The following UGT3A2 variants were observed in gnomAD, a reference collection of about 807,000 sequenced individuals.
UGT3A2 encodes the protein UDP glycosyltransferase family 3 member A2.
UGT3A2 carries 32 observed loss-of-function variants against 39.8 expected under a neutral mutation model. That is an observed-to-expected ratio of 0.80 (90% CI 0.61 to 1.08). The LOEUF (loss-of-function observed/expected upper bound fraction) is 1.08. Among genes scored for constraint, UGT3A2 ranks in the 50% least tolerant of loss-of-function variants. The pLI is 0.00. For synonymous variants in UGT3A2, 241 were observed against 230.7 expected, an observed-to-expected ratio of 1.04 and a Z score of -0.40; for missense variants, 611 against 637.1, an observed-to-expected ratio of 0.96 and a Z score of 0.44.
intron 2 of UGT3A2, among the ~76,000 whole-genome samples, chr5:36,061,281 G>A (rs137931970): frequency 0.044 from 6,670 of 151,842 alleles, 229 homozygotes; most frequent in East Asian, 0.12. Flanking sequence ...GGGTACATGT[G>A]CACATTGTGC....
At chr5:36,054,456 C>T (rs541116213) in intron 2 of UGT3A2, among the ~76,000 whole-genome samples, 249 of 152,214 alleles carry the variant, frequency 1.6e-3, no homozygotes, top group African/African-American at 5.9e-3. Context: ...ATTATCAATT[C>T]AAAGTGAAAA....
chr5:36,044,424 C>T (rs1742104834), intron 4 of UGT3A2, among the ~76,000 whole-genome samples: 1 of 151,974 alleles, frequency 6.6e-6, no homozygotes, highest in Non-Finnish European at 1.5e-5. Flanking sequence ...TCTAACATGA[C>T]AAGGATGCCC....
chr5:36,061,343 A>C, intron 2 of UGT3A2, among the ~76,000 whole-genome samples: 1 of 149,976 alleles, frequency 6.7e-6, no homozygotes, highest in South Asian at 2.2e-4. Flanking sequence ...GCACCCAGTA[A>C]CTCGTCATCT....
At chr5:36,047,900 C>A (rs1291559722) in intron 4 of UGT3A2, among the ~76,000 whole-genome samples, 2 of 152,168 alleles carry the variant, frequency 1.3e-5, no homozygotes, top group African/African-American at 4.8e-5. Context: ...CGTATTGGGA[C>A]CCCTGCTCCC....
chr5:36,042,594 G>A (rs956122605), intron 4 of UGT3A2, among the ~76,000 whole-genome samples: 11 of 151,932 alleles, frequency 7.2e-5, no homozygotes, highest in Admixed American at 3.3e-4. Context: ...AACAGAAAGA[G>A]TGATTGAATG....
chr5:36,064,589 C>T (rs1158268869), intron 1 of UGT3A2, among the ~76,000 whole-genome samples: 1 of 152,164 alleles, frequency 6.6e-6, no homozygotes, highest in African/African-American at 2.4e-5. Context: ...TTGTGAATCA[C>T]GGTATCCATG....
chr5:36,064,419 TC>T (rs1436493499), intron 1 of UGT3A2, 69 bp from the exon 2 acceptor site: 3 of 1,340,836 alleles, frequency 2.2e-6, no homozygotes, highest in Non-Finnish European at 3.2e-6. Context: ...TAGTGATCAA[TC>T]CAGGAGAGGA....
intron 4 of UGT3A2, among the ~76,000 whole-genome samples, chr5:36,041,919 G>A (rs1337217860): frequency 1.3e-5 from 2 of 151,994 alleles, no homozygotes; most frequent in Non-Finnish European, 2.9e-5. Flanking sequence ...TAAGGCACCA[G>A]CAACTAATCC....
intron 4 of UGT3A2, among the ~76,000 whole-genome samples, chr5:36,043,302 A>T (rs1434855547): frequency 6.6e-6 from 1 of 152,098 alleles, no homozygotes. Flanking sequence ...TGAAGTAATT[A>T]AGAAGGAAAT....
At position 36,049,377 on chromosome 5, in the gene UGT3A2, A is replaced by T; in HGVS notation, c.355T>A (p.Leu119Met). 1 of 1,599,100 alleles carries T rather than the reference A, an allele frequency of 6.3e-7. No individual in the cohort carries two copies. Among genetic ancestry groups the T allele is most frequent in the Non-Finnish European group, 8.5e-7 (1 of 1,175,172 alleles). ...NLLNVLEYLA[L>M]QCSHFLNRKD... ...CTATTTAAAAAATGACTGCACTGCA[A>T]CGCCAAGTATTCTAGAACATTTAAT... Residue 119 changes from leucine (L) to methionine (M), a missense_variant, in exon 4 of 7, where the codon TTG (leucine) becomes ATG (methionine). Coordinates refer to ENST00000282507, the MANE Select transcript of UGT3A2 (RefSeq NM_174914.4).
At chr5:36,060,799 C>T (rs1265562398) in intron 2 of UGT3A2, among the ~76,000 whole-genome samples, 2 of 152,264 alleles carry the variant, frequency 1.3e-5, no homozygotes, top group Non-Finnish European at 2.9e-5. Context: ...TGATGAAAAA[C>T]TTCTGAAAAT....
In UGT3A2 at chr5:36,049,009, T is replaced by G. The variant is rs768863690; in HGVS notation, c.723A>C (p.Leu241=). The G allele has an allele frequency of 8.1e-6, 13 of 1,614,064 alleles. No homozygotes were observed. Among genetic ancestry groups the G allele is most frequent in the African/African-American group, 1.3e-5 (1 of 74,922 alleles). The change falls in exon 4 of 7, where the codon CTA becomes CTC. Residue 241 remains leucine, a synonymous_variant. Coordinates refer to ENST00000282507, the MANE Select transcript of UGT3A2 (RefSeq NM_174914.4). ...TAATGAACCACAACTCTGCTTTCAG[T>G]AGAAGATGAGACAAAACTGGCCTAG... The part of the protein sequence containing the change: ...EGSRPVLSHL[L]LKAELWFINS...
At chr5:36,057,755 G>C (rs1742560360) in intron 2 of UGT3A2, among the ~76,000 whole-genome samples, 1 of 151,914 alleles carries the variant, frequency 6.6e-6, no homozygotes. Flanking sequence ...TGCCCAGGCT[G>C]GTTTTAACTC....
At position 36,048,884 on chromosome 5, in the gene UGT3A2, C is replaced by T. The variant is rs746032545; in HGVS notation, c.843+5G>A. On this transcript the variant is annotated splice_donor_5th_base_variant and intron_variant, in intron 4 of 6. Coordinates refer to ENST00000282507, the MANE Select transcript of UGT3A2 (RefSeq NM_174914.4). ...TCCCAAACTGAATGCTGAGGGTTCA[C>T]TTACTTGTGGTACTGGTTTAATAGG... 3 of 1,611,690 alleles carry T rather than the reference C, an allele frequency of 1.9e-6. No homozygotes were observed. In the South Asian group the frequency reaches 3.3e-5, roughly 18 times the overall value.
intron 4 of UGT3A2, among the ~76,000 whole-genome samples, chr5:36,047,939 C>A (rs1742217380): frequency 6.6e-6 from 1 of 152,226 alleles, no homozygotes; most frequent in African/African-American, 2.4e-5. Flanking sequence ...CTCTCAGCTC[C>A]ATTCCTAAAA....
intron 4 of UGT3A2, among the ~76,000 whole-genome samples, chr5:36,044,239 A>G (rs1167210028): frequency 2.0e-5 from 3 of 152,252 alleles, no homozygotes; most frequent in Middle Eastern, 3.4e-3. Flanking sequence ...GAAAAAAACC[A>G]TATGATCATG....
intron 5 of UGT3A2, among the ~76,000 whole-genome samples, chr5:36,038,806 G>A (rs745982702): frequency 2.0e-5 from 3 of 152,174 alleles, no homozygotes; most frequent in African/African-American, 4.8e-5. Flanking sequence ...CATGATCTTC[G>A]TTGTGAATCT....
In UGT3A2 at chr5:36,035,301, T is replaced by G; in HGVS notation, c.*397A>C. On this transcript the variant is annotated 3_prime_UTR_variant, in exon 7 of 7. Transcript: ENST00000282507. ...CCATGATAGATAGTAGGGGCAGGAG[T>G]GAGAGAGGCTGACTAGGTCTGGACA... 1.4e-5 allele frequency: 3 copies of G among 218,796 alleles called. No homozygotes were observed. The highest frequency in any genetic ancestry group is 2.1e-4 in the East Asian group (2 of 9,622). The allele number at this position is 218,796 out of a possible 1,614,324, so 13.6% of individuals were successfully genotyped here.
Position 36,035,808 on chromosome 5 carries a change from C to A in UGT3A2, c.1462G>T (p.Val488Phe), listed in dbSNP as rs555194978. 1 of 1,614,150 alleles carries A rather than the reference C, an allele frequency of 6.2e-7. No homozygotes were observed. Among genetic ancestry groups the A allele is most frequent in the South Asian group, 1.1e-5 (1 of 91,072 alleles). The change falls in exon 7 of 7, where the codon GTT becomes TTT. Residue 488 changes from valine to phenylalanine, a missense_variant. Val to Phe is a conservative substitution (Grantham distance 50, BLOSUM62 -1). Coordinates refer to ENST00000282507, the MANE Select transcript of UGT3A2 (RefSeq NM_174914.4). ...GTGAGCCCCAGCAGAAACACAAAAACGTCGAGCAGGTACTGCTCATGCCAG... is the reference window on the plus strand; with the variant it reads ...GTGAGCCCCAGCAGAAACACAAAAAAGTCGAGCAGGTACTGCTCATGCCAG... Reference protein sequence around the residue: ...QPWHEQYLLDVFVFLLGLTLG... With the variant: ...QPWHEQYLLDFFVFLLGLTLG...
Sources: gnomAD v4.1 joint callset for allele counts (sites outside exome capture counted in the v4.1 genomes callset) on GRCh38, gnomAD v4.1.1 for gene constraint, MANE v1.5 for transcripts, NCBI Gene and HGNC (gene_info 2026-07-23, HGNC 2026-07-21) for gene names.